The following UXS1 variants were observed in gnomAD, a reference collection of about 807,000 sequenced individuals.
UXS1 encodes UDP-glucuronate decarboxylase 1, also known as UDP-glucuronic acid decarboxylase 1.
A neutral mutation model predicts 62.6 loss-of-function variants in UXS1; 33 were observed. That is an observed-to-expected ratio of 0.53 (90% CI 0.40 to 0.70). The LOEUF (loss-of-function observed/expected upper bound fraction) is 0.70, where lower values mean the gene tolerates loss of function less well. Among genes scored for constraint, UXS1 ranks in the 30% least tolerant of loss-of-function variants. UXS1 has a pLI of 0.00. For synonymous variants in UXS1, 213 were observed against 206.8 expected, an observed-to-expected ratio of 1.03 and a Z score of -0.26; for missense variants, 434 against 556.3, an observed-to-expected ratio of 0.78 and a Z score of 2.21.
rs1288496614 is a variant in UXS1 at position 106,145,243 on chromosome 2, T to C, written c.419A>G (p.His140Arg). 6.2e-7 allele frequency: 1 copy of C among 1,614,018 alleles called. No homozygotes were observed. The highest frequency in any genetic ancestry group is 1.1e-5 in the South Asian group (1 of 91,082). ...RKRNVEHWIG[H>R]ENFELINHDV... ...GTGGTTAATCAACTCGAAGTTCTCA[T>C]GTCCGATCCAGTGCTCCACGTTTCT... is the stretch of plus-strand genomic sequence containing the variant. The change falls in exon 6 of 15, where the codon CAT (histidine) becomes CGT (arginine). Residue 140 changes from histidine to arginine, a missense_variant. Physicochemically the swap from His to Arg is conservative, Grantham distance 29 (BLOSUM62 0). This residue lies in a region of UXS1 where 134 missense variants were observed against 251.9 expected (regional missense o/e 0.53). Transcript: ENST00000283148.
intron 6 of UXS1, among the ~76,000 whole-genome samples, chr2:106,139,641 C>A (rs1289183218): frequency 6.6e-6 from 1 of 152,190 alleles, no homozygotes; most frequent in Non-Finnish European, 1.5e-5. Flanking sequence ...GGGAAATCCA[C>A]ATAAAAACTG....
chr2:106,138,616 A>C, intron 6 of UXS1: 1 of 985,568 alleles, frequency 1.0e-6, no homozygotes, highest in Non-Finnish European at 1.2e-6. Context: ...AGATGAGCGT[A>C]AACTGGGGTT....
At chr2:106,162,614 A>C (rs1384810998) in intron 4 of UXS1, among the ~76,000 whole-genome samples, 1 of 152,216 alleles carries the variant, frequency 6.6e-6, no homozygotes, top group African/African-American at 2.4e-5. Context: ...GCTCCCATCC[A>C]AGGAAATATT....
Position 106,156,590 on chromosome 2 carries a change from G to A in UXS1, c.291+1468C>T, listed in dbSNP as rs189941871. Among the ~76,000 whole-genome samples the A allele has an allele frequency of 3.7e-4, 56 of 152,102 alleles. 1 individual carries two copies. The Middle Eastern group carries it at 0.01, about 28-fold the overall frequency. On this transcript the variant is annotated intron_variant, in intron 5 of 14. Coordinates refer to ENST00000283148, the MANE Select transcript of UXS1 (RefSeq NM_001253875.2). ...CCGCACCCCACCCCCATACCTAAAC[G>A]CAAAGATGCTCAGGTTCCGCATATA...
chr2:106,160,003 C>T (rs1476110074), intron 4 of UXS1: 3 of 152,160 alleles, frequency 2.0e-5, no homozygotes, highest in African/African-American at 2.4e-5. Flanking sequence ...GTGAGCTCAC[C>T]GACCGTCTTT....
rs769242864 is a variant in UXS1 at position 106,155,019 on chromosome 2, C to CAAGACAGGG, written c.291+3030_291+3038dup. Among the ~76,000 whole-genome samples the CAAGACAGGG allele has an allele frequency of 9.2e-5, 14 of 152,146 alleles. No individual in the cohort carries two copies. In the East Asian group the frequency reaches 2.7e-3, roughly 29 times the overall value. ...AAGGGGGAGCAGGCATGTCACGTGG[C>CAAGACAGGG]AAGACAGGGAGAAGAAGGGGGTCCC... On this transcript the variant is annotated intron_variant, in intron 5 of 14. Coordinates refer to ENST00000283148, the MANE Select transcript of UXS1 (RefSeq NM_001253875.2).
chr2:106,109,296 G>A (rs900111574), intron 10 of UXS1, among the ~76,000 whole-genome samples: 3 of 152,002 alleles, frequency 2.0e-5, no homozygotes, highest in Non-Finnish European at 2.9e-5. Flanking sequence ...ATGGCTTTCC[G>A]CCACAAACGA....
chr2:106,116,839 T>C (rs1039341117), intron 9 of UXS1, among the ~76,000 whole-genome samples: 1 of 152,186 alleles, frequency 6.6e-6, no homozygotes, highest in African/African-American at 2.4e-5. Context: ...AATAAAAGCC[T>C]GACCTTGTGG....
intron 6 of UXS1, among the ~76,000 whole-genome samples, chr2:106,142,877 T>C (rs1484910917): frequency 6.6e-6 from 1 of 152,106 alleles, no homozygotes; most frequent in South Asian, 2.1e-4. Context: ...ATTTATTGTA[T>C]GACTTCATTC....
intron 9 of UXS1, among the ~76,000 whole-genome samples, chr2:106,118,035 G>T (rs964418668): frequency 6.6e-6 from 1 of 152,198 alleles, no homozygotes; most frequent in Admixed American, 6.5e-5. Flanking sequence ...TTGCTCTGCA[G>T]CAGGCCAGGA....
At chr2:106,157,360 T>G (rs951988885) in intron 5 of UXS1, among the ~76,000 whole-genome samples, 10 of 152,232 alleles carry the variant, frequency 6.6e-5, no homozygotes, top group African/African-American at 2.4e-4. Flanking sequence ...GAGTTTATAC[T>G]GATGTTTAAC....
intron 1 of UXS1, among the ~76,000 whole-genome samples, chr2:106,172,567 C>T (rs1683634881): frequency 1.3e-5 from 2 of 152,194 alleles, no homozygotes; most frequent in Admixed American, 6.5e-5. Flanking sequence ...CCAACACTGA[C>T]AGAGATGGGG....
At position 106,106,883 on chromosome 2, in the gene UXS1, G is replaced by A. The variant is rs192063808; in HGVS notation, c.880-2046C>T. ...AGATGAGGTAATGGAAGGTCAAAGC[G>A]CTGGAGTGACCTGCATTCAGCAGAG... is the stretch of plus-strand genomic sequence containing the variant. On this transcript the variant is annotated intron_variant, in intron 10 of 14. Transcript: ENST00000283148. Among the ~76,000 whole-genome samples, 642 of 152,286 alleles carry A rather than the reference G, an allele frequency of 4.2e-3. 6 individuals are homozygous for A. Among genetic ancestry groups the A allele is most frequent in the Non-Finnish European group, 4.8e-3 (328 of 68,022 alleles).
At chr2:106,177,108 G>A (rs1008677067) in intron 1 of UXS1, among the ~76,000 whole-genome samples, 2 of 151,804 alleles carry the variant, frequency 1.3e-5, no homozygotes, top group African/African-American at 2.4e-5. Flanking sequence ...AAATGCCAAC[G>A]TTAAGTAAAA....
chr2:106,174,398 T>C (rs1162915678), intron 1 of UXS1, among the ~76,000 whole-genome samples: 1 of 152,130 alleles, frequency 6.6e-6, no homozygotes, highest in Non-Finnish European at 1.5e-5. Flanking sequence ...GAGTAAATAA[T>C]GCAGAGGGCA....
intron 5 of UXS1, among the ~76,000 whole-genome samples, chr2:106,145,750 A>G (rs1363842350): frequency 6.6e-6 from 1 of 152,222 alleles, no homozygotes; most frequent in African/African-American, 2.4e-5. Flanking sequence ...AGAACTTTAA[A>G]AATTACTTTA....
At position 106,125,816 on chromosome 2, in the gene UXS1, T is replaced by C. The variant is rs1302279524; in HGVS notation, c.578-137A>G. On this transcript the variant is annotated intron_variant, in intron 7 of 14. Transcript: ENST00000283148. ...AATTATCTACCCTTACTGCGTCTGC[T>C]TTGGCACCAAAATAAACAAAACAAA... The C allele has an allele frequency of 4.7e-6, 3 of 635,138 alleles. No homozygotes were observed. In the Admixed American group the frequency reaches 1.1e-4, roughly 24 times the overall value. 39.3% of individuals were successfully genotyped at this position (635,138 alleles called of 1,614,324 possible). A position where few individuals can be genotyped will look rare whatever the true frequency, so the allele number is the denominator to read the frequency against.
intron 14 of UXS1, 138 bp from the exon 15 acceptor site, chr2:106,094,295 C>G: frequency 1.2e-6 from 1 of 807,300 alleles, no homozygotes; most frequent in South Asian, 2.5e-5. Flanking sequence ...CTCACAGAAC[C>G]ATGCTTTGGT....
At chr2:106,163,075 C>T (rs1212843598) in intron 4 of UXS1, among the ~76,000 whole-genome samples, 1 of 152,216 alleles carries the variant, frequency 6.6e-6, no homozygotes, top group African/African-American at 2.4e-5. Flanking sequence ...GTCCTGGAGG[C>T]TGAGGCTCAG....
Sources: allele counts gnomAD v4.1 joint callset (sites outside exome capture counted in the v4.1 genomes callset), GRCh38; gene constraint gnomAD v4.1.1; regional missense constraint gnomAD v4.1.1; transcripts MANE v1.5; gene names NCBI Gene and HGNC (gene_info 2026-07-23, HGNC 2026-07-21).